Variants in INTS4 observed in about 807,000 individuals in gnomAD.
INTS4 encodes the protein MSTP093.
Under a neutral mutation model 119.5 loss-of-function variants are expected in INTS4, and 70 were observed. That is an observed-to-expected ratio of 0.59 (90% CI 0.48 to 0.71). The LOEUF (loss-of-function observed/expected upper bound fraction) is 0.71, where lower values mean the gene tolerates loss of function less well. Ranked by LOEUF, INTS4 falls within the 30% of genes least tolerant of loss-of-function variation. The probability of loss-of-function intolerance (pLI) is 0.00; values close to 1 mark genes in which losing one functional copy is unlikely to be tolerated. For synonymous variants in INTS4, 316 were observed against 419.6 expected (o/e 0.75, Z 3.02); for missense variants, 867 against 1,173.2 (o/e 0.74, Z 3.81).
chr11:77,894,258 T>G (rs1264639679), intron 19 of INTS4, 32 bp downstream of exon 19: 1 of 1,203,658 alleles, frequency 8.3e-7, no homozygotes, highest in South Asian at 1.3e-5. Flanking sequence ...TAACCAAGAT[T>G]TAATAAGCCA....
downstream of INTS4, among the ~76,000 whole-genome samples, chr11:77,878,327 A>T (rs536108697): frequency 2.3e-4 from 34 of 150,898 alleles, no homozygotes; most frequent in Non-Finnish European, 4.4e-4. Context: ...ACGCCACTGC[A>T]CTCCAGCCTG....
chr11:77,895,527 GAAAAAAAAA>G (rs71046921), intron 18 of INTS4, among the ~76,000 whole-genome samples: 21 of 39,254 alleles, frequency 5.3e-4, no homozygotes, highest in African/African-American at 1.8e-3. Flanking sequence ...TTCTTTTCCT[GAAAAAAAAA>G]AAAAAAAAAA....
chr11:77,917,700 T>C (rs2136471439), intron 15 of INTS4, among the ~76,000 whole-genome samples: 1 of 151,584 alleles, frequency 6.6e-6, no homozygotes, highest in African/African-American at 2.4e-5. Context: ...TCCTCAAAGA[T>C]ATAATTTTTT....
chr11:77,944,235 T>C (rs1953996243), intron 8 of INTS4, among the ~76,000 whole-genome samples: 1 of 152,192 alleles, frequency 6.6e-6, no homozygotes, highest in Non-Finnish European at 1.5e-5. Flanking sequence ...CAAGATAGAC[T>C]CGAGGCTACA....
At chr11:77,914,756 C>A (rs1402138083) in intron 15 of INTS4, among the ~76,000 whole-genome samples, 1 of 152,246 alleles carries the variant, frequency 6.6e-6, no homozygotes, top group East Asian at 1.9e-4. Flanking sequence ...AAGCAGGCAA[C>A]AGGCCAGCTT....
intron 2 of INTS4, among the ~76,000 whole-genome samples, chr11:77,982,302 CT>C (rs1318764569): frequency 2.0e-5 from 3 of 151,950 alleles, no homozygotes; most frequent in Middle Eastern, 6.8e-3. Context: ...CACCTGGCTA[CT>C]TTTTTTTAAT....
intron 4 of INTS4, among the ~76,000 whole-genome samples, chr11:77,975,027 T>C (rs1855888339): frequency 6.6e-6 from 1 of 152,256 alleles, no homozygotes; most frequent in Non-Finnish European, 1.5e-5. Flanking sequence ...ATTTTGTTGA[T>C]CTTTTCAGAG....
chr11:77,876,084 C>T (rs565769541), downstream of INTS4, among the ~76,000 whole-genome samples: 18 of 152,234 alleles, frequency 1.2e-4, no homozygotes, highest in Non-Finnish European at 2.4e-4. Context: ...CATCAGTATA[C>T]AAACAGTATA....
chr11:77,988,840 A>G (rs1039380224), intron 2 of INTS4, among the ~76,000 whole-genome samples: 2 of 152,238 alleles, frequency 1.3e-5, no homozygotes, highest in Non-Finnish European at 2.9e-5. Flanking sequence ...ATTTTACAAA[A>G]GAACTGTCTC....
chr11:77,920,180 T>C (rs1301569558), intron 14 of INTS4, among the ~76,000 whole-genome samples: 3 of 148,528 alleles, frequency 2.0e-5, no homozygotes, highest in Admixed American at 6.8e-5. Context: ...TACATATACA[T>C]ATACACATAT....
chr11:77,951,482 C>T (rs1339925323), intron 8 of INTS4, among the ~76,000 whole-genome samples: 1 of 152,142 alleles, frequency 6.6e-6, no homozygotes, highest in Non-Finnish European at 1.5e-5. Flanking sequence ...GAAACTGGAT[C>T]CCTTCCTTAC....
chr11:77,961,158 A>G lies in INTS4; in HGVS notation c.472-20T>C, dbSNP rs1296494219. 2 of 1,534,526 alleles carry G rather than the reference A, an allele frequency of 1.3e-6. No individual in the cohort carries two copies. Among genetic ancestry groups the G allele is most frequent in the East Asian group, 2.3e-5 (1 of 43,584 alleles). On this transcript the variant is annotated intron_variant, in intron 4 of 22. Coordinates refer to ENST00000534064, the MANE Select transcript of INTS4 (RefSeq NM_033547.4). ...CAGATGCTATTAAAAAAAAAAAAAAAAAGAAAAAAAGAAAAAGAAAAAAAG... is the reference window on the plus strand; with the variant it reads ...CAGATGCTATTAAAAAAAAAAAAAAGAAGAAAAAAAGAAAAAGAAAAAAAG...
chr11:77,994,505 C>G (rs1856821940), intron 1 of INTS4, 85 bp downstream of exon 1: 3 of 1,043,766 alleles, frequency 2.9e-6, no homozygotes, highest in African/African-American at 1.6e-5. Flanking sequence ...GCGTATGGAG[C>G]CTCTTCTGTT....
chr11:77,993,462 A>G (rs1284640336), intron 1 of INTS4, among the ~76,000 whole-genome samples: 1 of 152,222 alleles, frequency 6.6e-6, no homozygotes, highest in Non-Finnish European at 1.5e-5. Flanking sequence ...AACACATGGC[A>G]TATCTGGTCA....
chr11:77,957,809 C>T (rs996388084), intron 7 of INTS4, among the ~76,000 whole-genome samples: 24 of 151,354 alleles, frequency 1.6e-4, no homozygotes, highest in Admixed American at 1.1e-3. Context: ...GCTGGGATTA[C>T]AGGCGTGTGC....
intron 10 of INTS4, among the ~76,000 whole-genome samples, chr11:77,937,556 C>T (rs1679733617): frequency 6.6e-6 from 1 of 152,038 alleles, no homozygotes; most frequent in Non-Finnish European, 1.5e-5. Context: ...CTGGCTTGGA[C>T]AATATAGGGA....
intron 2 of INTS4, among the ~76,000 whole-genome samples, chr11:77,990,215 CAAAAAAAAA>C: frequency 1.0e-5 from 1 of 96,184 alleles, no homozygotes; most frequent in South Asian, 3.3e-4. Flanking sequence ...GACCAAGTCT[CAAAAAAAAA>C]AAAAAAAAAA....
At chr11:77,963,362 A>AC (rs1199909279) in intron 4 of INTS4, 29 of 390,392 alleles carry the variant, frequency 7.4e-5, no homozygotes, top group Non-Finnish European at 1.2e-4. Context: ...CAAAAAAAAA[A>AC]AAAAAAAAAA....
chr11:77,933,374 C>T (rs7119390), intron 10 of INTS4, among the ~76,000 whole-genome samples: 58,807 of 145,764 alleles, frequency 0.4, 11,602 homozygotes, highest in African/African-American at 0.46. Context: ...AGGCGCGCGC[C>T]GCCACGTCTG....
Sources: gnomAD v4.1 joint callset for allele counts (sites outside exome capture counted in the v4.1 genomes callset) on GRCh38, gnomAD v4.1.1 for gene constraint, MANE v1.5 for transcripts, NCBI Gene and HGNC (gene_info 2026-07-23, HGNC 2026-07-21) for gene names.